Variants in HERC1 observed in about 807,000 individuals in gnomAD.
HERC1 encodes HECT and RLD domain containing E3 ubiquitin protein ligase family member 1, also known as probable E3 ubiquitin-protein ligase HERC1.
HERC1 carries 160 observed loss-of-function variants against 554.3 expected under a neutral mutation model. The ratio of observed to expected loss-of-function variants is 0.29; its 90% CI spans 0.25 to 0.33. The LOEUF (loss-of-function observed/expected upper bound fraction) is 0.33, where lower values mean the gene tolerates loss of function less well. HERC1 is among the 10% of genes least tolerant of loss of function. The probability of loss-of-function intolerance (pLI) is 1.00; values close to 1 mark genes in which losing one functional copy is unlikely to be tolerated. For synonymous variants in HERC1, 2,175 were observed against 2,131.7 expected, an observed-to-expected ratio of 1.02 and a Z score of -0.56; for missense variants, 4,919 against 5,918.5, an observed-to-expected ratio of 0.83 and a Z score of 5.54.
intron 1 of HERC1, among the ~76,000 whole-genome samples, chr15:63,801,526 T>TTTAGTCTATAAA (rs1267621466): frequency 1.3e-5 from 2 of 152,216 alleles, no homozygotes; most frequent in Non-Finnish European, 2.9e-5. Flanking sequence ...AAGACAATCT[T>TTTAGTCTATAAA]TCACATTAGT....
At chr15:63,812,948 A>AT (rs1411594718) in intron 1 of HERC1, among the ~76,000 whole-genome samples, 1 of 152,132 alleles carries the variant, frequency 6.6e-6, no homozygotes, top group Non-Finnish European at 1.5e-5. Context: ...TACCAGAAAG[A>AT]TTTTTTTGGA....
At chr15:63,785,674 T>G (rs1030620933) in intron 1 of HERC1, among the ~76,000 whole-genome samples, 8 of 150,702 alleles carry the variant, frequency 5.3e-5, no homozygotes, top group African/African-American at 1.7e-4. Flanking sequence ...CAGGATGAGG[T>G]GGGATGATCC....
At chr15:63,750,812 G>A (rs1439312919) in intron 8 of HERC1, among the ~76,000 whole-genome samples, 1 of 152,088 alleles carries the variant, frequency 6.6e-6, no homozygotes, top group Non-Finnish European at 1.5e-5. Context: ...ACAGGCCTGT[G>A]GTCCCAGCTA....
At chr15:63,805,610 T>C (rs2077113757) in intron 1 of HERC1, among the ~76,000 whole-genome samples, 1 of 152,128 alleles carries the variant, frequency 6.6e-6, no homozygotes, top group South Asian at 2.1e-4. Flanking sequence ...CTTAAAATGG[T>C]GAATTTATGG....
At chr15:63,767,645 C>T (rs193198341) in intron 2 of HERC1, among the ~76,000 whole-genome samples, 1 of 152,204 alleles carries the variant, frequency 6.6e-6, no homozygotes, top group East Asian at 1.9e-4. Flanking sequence ...CTGCAGTCAG[C>T]CGAGATCGCC....
chr15:63,694,902 A>G lies in HERC1; in HGVS notation c.5122-8T>C. On this transcript the variant is annotated splice_region_variant and splice_polypyrimidine_tract_variant and intron_variant, in intron 27 of 77. Coordinates refer to ENST00000443617, the MANE Select transcript of HERC1 (RefSeq NM_003922.4). The surrounding 1 kb of genome is among the most constrained non-coding windows in gnomAD (Gnocchi z 4.3). Reference sequence around the variant, plus strand: ...AGCTGCTCTGATCCCATCCTGAATTACACATAAAGAATTACTTTTTCTATT... The same window carrying G: ...AGCTGCTCTGATCCCATCCTGAATTGCACATAAAGAATTACTTTTTCTATT... 1 of 1,605,210 alleles carries G rather than the reference A, an allele frequency of 6.2e-7. No individual in the cohort carries two copies. Among genetic ancestry groups the G allele is most frequent in the Non-Finnish European group, 8.5e-7 (1 of 1,176,612 alleles).
At chr15:63,631,117 C>G (rs1039208854) in intron 68 of HERC1, among the ~76,000 whole-genome samples, 1 of 152,152 alleles carries the variant, frequency 6.6e-6, no homozygotes, top group African/African-American at 2.4e-5. Flanking sequence ...TAGCTTGGAC[C>G]ACAGGCACAT....
chr15:63,776,059 T>A (rs2076105021), intron 1 of HERC1, among the ~76,000 whole-genome samples: 1 of 150,096 alleles, frequency 6.7e-6, no homozygotes, highest in Non-Finnish European at 1.5e-5. Context: ...AAAAAGTTTA[T>A]GTTAAAAAAC....
chr15:63,754,070 GGGCTGA>G (rs1415734202), intron 7 of HERC1, among the ~76,000 whole-genome samples: 4 of 151,796 alleles, frequency 2.6e-5, no homozygotes, highest in Non-Finnish European at 5.9e-5. Flanking sequence ...GCTACTTGGG[GGGCTGA>G]GGCAGGAGGA....
chr15:63,718,316 G>C lies in HERC1; in HGVS notation c.3978+258C>G. The C allele has an allele frequency of 5.6e-6, 2 of 358,266 alleles. No homozygotes were observed. The highest frequency in any genetic ancestry group is 1.0e-4 in the South Asian group (2 of 19,124). 22.2% of individuals were successfully genotyped at this position (358,266 alleles called of 1,614,324 possible). A position where few individuals can be genotyped will look rare whatever the true frequency, so the allele number is the denominator to read the frequency against. ...CAAAGAGAGGAATAATCATTCATAT[G>C]ATTTGAATCATTCAATTTGTTATTA... On this transcript the variant is annotated intron_variant, in intron 21 of 77. Coordinates refer to ENST00000443617, the MANE Select transcript of HERC1 (RefSeq NM_003922.4). The surrounding 1 kb of genome is among the most constrained non-coding windows in gnomAD (Gnocchi z 4.2).
intron 25 of HERC1, among the ~76,000 whole-genome samples, chr15:63,701,355 C>G (rs2072713337): frequency 6.6e-6 from 1 of 152,184 alleles, no homozygotes; most frequent in African/African-American, 2.4e-5. Context: ...TCTACCAATA[C>G]TGAACTGTCT....
Position 63,723,187 on chromosome 15 carries a change from C to T in HERC1, c.3737G>A (p.Ser1246Asn). 1 of 1,465,624 alleles carries T rather than the reference C, an allele frequency of 6.8e-7. No individual in the cohort carries two copies. Among genetic ancestry groups the T allele is most frequent in the South Asian group, 1.5e-5 (1 of 65,640 alleles). The allele number at this position is 1,465,624 out of a possible 1,614,324, so 90.8% of individuals were successfully genotyped here. The change falls in exon 19 of 78, where the codon AGT (serine) becomes AAT (asparagine). Residue 1246 changes from serine to asparagine, a missense_variant. Ser to Asn is a conservative substitution (Grantham distance 46). Coordinates refer to ENST00000443617, the MANE Select transcript of HERC1 (RefSeq NM_003922.4). ...CTTTATCTTCTTTATCTTACCTTTA[C>T]TAACAGCATAGTCCTGCATGCTGAT... ...LWISMQDYAV[S>N]KDWDSATLSN...
At chr15:63,811,507 G>C (rs75374111) in intron 1 of HERC1, among the ~76,000 whole-genome samples, 5,186 of 152,092 alleles carry the variant, frequency 0.034, 141 homozygotes, top group African/African-American at 0.077. Context: ...GCTGAGCCCC[G>C]GTAACATAAA....
At position 63,734,991 on chromosome 15, in the gene HERC1, C is replaced by T. The variant is rs143366834; in HGVS notation, c.2521-142G>A. 4.8e-3 allele frequency: 3,225 copies of T among 668,304 alleles called. 14 individuals carry two copies. The highest frequency in any genetic ancestry group is 7.0e-3 in the Non-Finnish European group (2,848 of 405,866). 41.4% of individuals were successfully genotyped at this position (668,304 alleles called of 1,614,324 possible). A position where few individuals can be genotyped will look rare whatever the true frequency, so the allele number is the denominator to read the frequency against. On this transcript the variant is annotated intron_variant, in intron 12 of 77. Coordinates refer to ENST00000443617, the MANE Select transcript of HERC1 (RefSeq NM_003922.4). This position sits in a 1 kb window ranked among gnomAD's most constrained non-coding sequence, Gnocchi z 4.6. Reference sequence around the variant, plus strand: ...ATAAAAAAGAAAGCATGCAAGTCCTCCTTCAGATGTCTTTAAGAAGACTAT... The same window carrying T: ...ATAAAAAAGAAAGCATGCAAGTCCTTCTTCAGATGTCTTTAAGAAGACTAT...
chr15:63,747,834 A>T lies in HERC1; in HGVS notation c.2244T>A (p.Pro748=). ...TACTCTCTTCAAGATCTACACAATAAGGTCGGTGCCATGCAACAACTTGTC... is the reference window on the plus strand; with the variant it reads ...TACTCTCTTCAAGATCTACACAATATGGTCGGTGCCATGCAACAACTTGTC... The part of the protein sequence containing the change: ...RDRQVVAWHR[P]YCVDLEESTF... Residue 748 remains proline (P), a synonymous_variant, in exon 11 of 78, where the codon CCT becomes CCA. Coordinates refer to ENST00000443617, the MANE Select transcript of HERC1 (RefSeq NM_003922.4). 1 of 1,549,082 alleles carries T rather than the reference A, an allele frequency of 6.5e-7. No homozygotes were observed. The highest frequency in any genetic ancestry group is 8.7e-7 in the Non-Finnish European group (1 of 1,145,088).
chr15:63,658,409 C>T (rs968879510), intron 48 of HERC1, 135 bp downstream of exon 48: 46 of 636,508 alleles, frequency 7.2e-5, no homozygotes, highest in Non-Finnish European at 5.5e-5. Flanking sequence ...ACAATGACTA[C>T]GTCTAACATC....
intron 34 of HERC1, among the ~76,000 whole-genome samples, chr15:63,684,650 G>A (rs1187800055): frequency 6.6e-6 from 1 of 152,158 alleles, no homozygotes; most frequent in South Asian, 2.1e-4. Context: ...GGAGTCGGGA[G>A]GGCATTAATG....
At chr15:63,631,496 C>G (rs543976460) in intron 68 of HERC1, among the ~76,000 whole-genome samples, 1 of 152,282 alleles carries the variant, frequency 6.6e-6, no homozygotes, top group East Asian at 1.9e-4. Flanking sequence ...TCAGTGACCT[C>G]TCTTCCCACT....
In HERC1 at chr15:63,829,539, ATGTATG is replaced by A. The variant is rs369470878; in HGVS notation, c.-27+4282_-27+4287del. 1.1e-3 allele frequency among the ~76,000 whole-genome samples: 72 copies of A among 64,622 alleles called. No homozygotes were observed. In the East Asian group the frequency reaches 0.043, roughly 39 times the overall value. The allele number at this position is 64,622 out of a possible 152,430, so 42.4% of individuals were successfully genotyped here. On this transcript the variant is annotated intron_variant, in intron 1 of 77. Transcript: ENST00000443617. ...ATATAAATAATATGTGTGCACATAT[ATGTATG>A]TGTGTGTGTGTGTGTGTATATATAT... is the stretch of plus-strand genomic sequence containing the variant.
Sources: gnomAD v4.1 joint callset for allele counts (sites outside exome capture counted in the v4.1 genomes callset) on GRCh38, gnomAD v4.1.1 for gene constraint, Gnocchi (gnomAD v3.1) non-coding constraint, MANE v1.5 for transcripts, NCBI Gene and HGNC (gene_info 2026-07-23, HGNC 2026-07-21) for gene names.